ANKRD55: variants seen among roughly 807,000 people sequenced by gnomAD.
ANKRD55 encodes ankyrin repeat domain-containing protein 55.
A neutral mutation model predicts 60.6 loss-of-function variants in ANKRD55; 41 were observed. That is an observed-to-expected ratio of 0.68 (90% CI 0.53 to 0.88). The LOEUF (loss-of-function observed/expected upper bound fraction) is 0.88, where lower values mean the gene tolerates loss of function less well. Ranked by LOEUF, ANKRD55 falls within the 40% of genes least tolerant of loss-of-function variation. ANKRD55 has a pLI of 0.00. For synonymous variants in ANKRD55, 264 were observed against 290.3 expected (o/e 0.91, Z 0.92); for missense variants, 732 against 767.6 (o/e 0.95, Z 0.55).
At chr5:56,161,693 T>C (rs1184452984) in intron 5 of ANKRD55, among the ~76,000 whole-genome samples, 1 of 152,180 alleles carries the variant, frequency 6.6e-6, no homozygotes, top group African/African-American at 2.4e-5. Flanking sequence ...TACTGCACGA[T>C]CTGAGTTTCT....
chr5:56,223,816 G>C (rs1332047684), intron 2 of ANKRD55, among the ~76,000 whole-genome samples: 2 of 152,118 alleles, frequency 1.3e-5, no homozygotes, highest in African/African-American at 4.8e-5. Flanking sequence ...ACCCAATACA[G>C]GAGCACCTAG....
chr5:56,111,458 TG>T lies in ANKRD55; in HGVS notation c.1289del (p.Pro430HisfsTer18). Reference protein sequence around the residue: ...EKKPLARKGLPPIRTQSLPPI... With the variant: ...EKKPLARKGLXPIRTQSLPPI... ...GTGGGAGACTCTGCGTTCTGATTGGTGGAAGCCCCTTACGGGCCAGCGGTTT... is the reference window on the plus strand; with the variant it reads ...GTGGGAGACTCTGCGTTCTGATTGGTGAAGCCCCTTACGGGCCAGCGGTTT... On this transcript the variant is annotated frameshift_variant, in exon 10 of 12. Transcript: ENST00000341048. LOFTEE classifies it high-confidence loss of function. The T allele has an allele frequency of 1.9e-6, 3 of 1,614,168 alleles. No individual in the cohort carries two copies. The highest frequency in any genetic ancestry group is 2.5e-6 in the Non-Finnish European group (3 of 1,180,016).
rs769664867 is a variant in ANKRD55 at position 56,166,199 on chromosome 5, T to TTCCTTCCTTCCTTCCTTCCTTCCTTCTC, written c.422+4494_422+4495insGAGAAGGAAGGAAGGAAGGAAGGAAGGA. On this transcript the variant is annotated intron_variant, in intron 5 of 11. Transcript: ENST00000341048. ...CTTCCTTCCTTCCTTCCTTCCTTCC[T>TTCCTTCCTTCCTTCCTTCCTTCCTTCTC]TCTCTCTCTCTCTCTCTCTTTCTTT... Among the ~76,000 whole-genome samples the TTCCTTCCTTCCTTCCTTCCTTCCTTCTC allele has an allele frequency of 2.5e-4, 24 of 96,120 alleles. 1 individual carries two copies. Among genetic ancestry groups the TTCCTTCCTTCCTTCCTTCCTTCCTTCTC allele is most frequent in the African/African-American group, 9.3e-4 (16 of 17,196 alleles). 63.1% of individuals were successfully genotyped at this position (96,120 alleles called of 152,430 possible).
At position 56,167,478 on chromosome 5, in the gene ANKRD55, T is replaced by C. The variant is rs1758510920; in HGVS notation, c.422+3216A>G. On this transcript the variant is annotated intron_variant, in intron 5 of 11. Coordinates refer to ENST00000341048, the MANE Select transcript of ANKRD55 (RefSeq NM_024669.3). ...GCGTGTGACTCTATTTGATTTGCTG[T>C]ATGGTTGTTAGGACTTAACCCAATT... Among the ~76,000 whole-genome samples, 3 of 152,372 alleles carry C rather than the reference T, an allele frequency of 2.0e-5. No individual in the cohort carries two copies. The South Asian group carries it at 6.2e-4, about 32-fold the overall frequency.
chr5:56,169,824 A>G (rs1054327687), intron 5 of ANKRD55, among the ~76,000 whole-genome samples: 1 of 152,152 alleles, frequency 6.6e-6, no homozygotes, highest in Non-Finnish European at 1.5e-5. Flanking sequence ...GAAATGCTCA[A>G]TTCCTGTCAG....
At chr5:56,118,190 T>C (rs1178290938) in intron 8 of ANKRD55, among the ~76,000 whole-genome samples, 1 of 152,098 alleles carries the variant, frequency 6.6e-6, no homozygotes, top group East Asian at 1.9e-4. Context: ...ATAAAAATAT[T>C]CACCAGTATT....
chr5:56,232,872 C>T lies in ANKRD55; in HGVS notation c.42G>A (p.Val14=), dbSNP rs775351572. 25 of 1,614,016 alleles carry T rather than the reference C, an allele frequency of 1.5e-5. No homozygotes were observed. The East Asian group carries it at 5.3e-4, about 35-fold the overall frequency. The change falls in exon 2 of 12, where the codon GTG becomes GTA. Residue 14 remains valine (V), a synonymous_variant. Transcript: ENST00000341048. The stretch of plus-strand genomic sequence containing the variant: ...GCATTTTACCTCTTTGCTGATCAAA[C>T]ACAGAAGGGGTGCTGAAATCCATGG... ...QATMDFSTPS[V]FDQQRGDSSE... is the part of the protein sequence containing the mutation.
At chr5:56,197,059 T>C (rs1328510850) in intron 2 of ANKRD55, among the ~76,000 whole-genome samples, 1 of 152,198 alleles carries the variant, frequency 6.6e-6, no homozygotes, top group Admixed American at 6.5e-5. Context: ...TGCCAATACC[T>C]ACATGATTTT....
chr5:56,182,115 GT>G (rs1294504394), intron 3 of ANKRD55, among the ~76,000 whole-genome samples: 1 of 152,072 alleles, frequency 6.6e-6, no homozygotes, highest in Non-Finnish European at 1.5e-5. Flanking sequence ...TTCTTTAAAA[GT>G]TTGTAGAAAT....
rs190599591 is a variant in ANKRD55 at position 56,103,329 on chromosome 5, C to T, written c.1631-743G>A. ...TCAGCCATGGTGGGTGTATTTACAC[C>T]GTGAAAAATCAGCAAGCACAGATTT... is the stretch of plus-strand genomic sequence containing the variant. On this transcript the variant is annotated intron_variant, in intron 10 of 11. Coordinates refer to ENST00000341048, the MANE Select transcript of ANKRD55 (RefSeq NM_024669.3). 4.0e-3 allele frequency among the ~76,000 whole-genome samples: 603 copies of T among 152,198 alleles called. 3 individuals carry two copies. Among genetic ancestry groups the T allele is most frequent in the African/African-American group, 0.013 (559 of 41,532 alleles).
chr5:56,174,993 C>A (rs1006676106), intron 4 of ANKRD55, among the ~76,000 whole-genome samples: 4 of 152,174 alleles, frequency 2.6e-5, no homozygotes, highest in Non-Finnish European at 5.9e-5. Flanking sequence ...GTTCTGATAA[C>A]CCTCTACCAT....
At chr5:56,105,447 G>A (rs1474892568) in intron 10 of ANKRD55, among the ~76,000 whole-genome samples, 1 of 152,170 alleles carries the variant, frequency 6.6e-6, no homozygotes, top group Non-Finnish European at 1.5e-5. Flanking sequence ...AGAGATCAGG[G>A]TGACCTTCAC....
intron 2 of ANKRD55, chr5:56,193,307 G>C (rs1759146071): frequency 1.2e-5 from 13 of 1,054,182 alleles, no homozygotes; most frequent in Non-Finnish European, 1.8e-5. Flanking sequence ...AAATGTAGAA[G>C]CAGGAGATTC....
intron 9 of ANKRD55, among the ~76,000 whole-genome samples, chr5:56,112,343 A>C (rs1415091525): frequency 6.6e-6 from 1 of 151,768 alleles, no homozygotes; most frequent in Non-Finnish European, 1.5e-5. Flanking sequence ...TTTAAACTAA[A>C]ACTTTCCTAT....
intron 3 of ANKRD55, 96 bp from the exon 4 acceptor site, chr5:56,176,378 A>G (rs2111822622): frequency 2.1e-6 from 3 of 1,421,538 alleles, no homozygotes; most frequent in Admixed American, 1.7e-5. Flanking sequence ...GCTATTTGCA[A>G]TACAAACCCA....
intron 6 of ANKRD55, among the ~76,000 whole-genome samples, chr5:56,148,856 G>A (rs7731626): frequency 0.3 from 45,416 of 151,738 alleles, 7,395 homozygotes; most frequent in Middle Eastern, 0.44. Context: ...GGTGGAGGGG[G>A]AGGGTTAAGA....
intron 2 of ANKRD55, among the ~76,000 whole-genome samples, chr5:56,212,454 G>T (rs1456691075): frequency 6.6e-6 from 1 of 152,072 alleles, no homozygotes; most frequent in Admixed American, 6.6e-5. Context: ...AATGCAGTAA[G>T]ATATGAAGCA....
intron 2 of ANKRD55, among the ~76,000 whole-genome samples, chr5:56,225,249 T>C (rs1760079361): frequency 6.6e-6 from 1 of 152,128 alleles, no homozygotes; most frequent in Non-Finnish European, 1.5e-5. Flanking sequence ...ATTATCTCAA[T>C]AGATGCAGAA....
At chr5:56,224,302 A>G (rs1346960165) in intron 2 of ANKRD55, among the ~76,000 whole-genome samples, 1 of 152,240 alleles carries the variant, frequency 6.6e-6, no homozygotes, top group Non-Finnish European at 1.5e-5. Context: ...GAACAAAGAC[A>G]CAACATACCA....
Sources: allele counts gnomAD v4.1 joint callset (sites outside exome capture counted in the v4.1 genomes callset), GRCh38; gene constraint gnomAD v4.1.1; transcripts MANE v1.5; gene names NCBI Gene and HGNC (gene_info 2026-07-23, HGNC 2026-07-21).